Variants in KCNQ1 observed in about 807,000 individuals in gnomAD.
KCNQ1 encodes potassium voltage-gated channel subfamily KQT member 1.
Under a neutral mutation model 72.4 loss-of-function variants are expected in KCNQ1, and 49 were observed. The ratio of observed to expected loss-of-function variants is 0.68; its 90% CI spans 0.54 to 0.86. KCNQ1 has a LOEUF of 0.86. Ranked by LOEUF, KCNQ1 falls within the 40% of genes least tolerant of loss-of-function variation. The pLI is 0.00. For synonymous variants in KCNQ1, 450 were observed against 412.6 expected (o/e 1.09, Z -1.10); for missense variants, 790 against 945.1 (o/e 0.84, Z 2.15).
At chr11:2,666,842 C>T in intron 11 of KCNQ1, 1 of 398,684 alleles carries the variant, frequency 2.5e-6, no homozygotes, top group East Asian at 3.6e-5. Flanking sequence ...GAACCAGTGT[C>T]CAGAAGGATG....
intron 15 of KCNQ1, among the ~76,000 whole-genome samples, chr11:2,805,137 C>G (rs1847346852): frequency 6.6e-6 from 1 of 152,212 alleles, no homozygotes; most frequent in Admixed American, 6.5e-5. Flanking sequence ...CAGGCTGAGC[C>G]AGACGTGGAG....
At position 2,494,828 on chromosome 11, in the gene KCNQ1, T is replaced by G. The variant is rs1054158843; in HGVS notation, c.387-33100T>G. 6.6e-6 allele frequency among the ~76,000 whole-genome samples: 1 copy of G among 152,234 alleles called. No individual in the cohort carries two copies. The highest frequency in any genetic ancestry group is 2.4e-5 in the African/African-American group (1 of 41,462). ...TTTTTTGTGTGTCGCTGCCAAATTT[T>G]GGTATCAGGATGATGCTGGCCTCAT... On this transcript the variant is annotated intron_variant, in intron 1 of 15. Transcript: ENST00000155840. The surrounding 1 kb of genome is among the most constrained non-coding windows in gnomAD (Gnocchi z 4.6).
chr11:2,500,046 A>G (rs1178673279), intron 1 of KCNQ1, among the ~76,000 whole-genome samples: 2 of 152,254 alleles, frequency 1.3e-5, no homozygotes, highest in Admixed American at 6.5e-5. Context: ...TACACATAGT[A>G]ATTAAACAAT....
chr11:2,582,368 G>C (rs1310779698), intron 6 of KCNQ1, among the ~76,000 whole-genome samples: 1 of 152,228 alleles, frequency 6.6e-6, no homozygotes, highest in African/African-American at 2.4e-5. Flanking sequence ...GCCGGGGTTT[G>C]TTCTTGCCTT....
intron 11 of KCNQ1, among the ~76,000 whole-genome samples, chr11:2,736,613 C>G (rs1251678343): frequency 6.6e-6 from 1 of 152,168 alleles, no homozygotes; most frequent in African/African-American, 2.4e-5. Flanking sequence ...TAGGGCCGTC[C>G]CTCCCACCCC....
At chr11:2,798,133 A>G (rs189275258) in intron 15 of KCNQ1, among the ~76,000 whole-genome samples, 1 of 73,278 alleles carries the variant, frequency 1.4e-5, no homozygotes, top group Non-Finnish European at 2.9e-5. Flanking sequence ...CAGTGCCCCC[A>G]CTTGTGGCCC....
In KCNQ1 at chr11:2,617,899, G is replaced by C. The variant is rs1849094058; in HGVS notation, c.1393+29045G>C. On this transcript the variant is annotated intron_variant, in intron 10 of 15. Transcript: ENST00000155840. This position sits in a 1 kb window ranked among gnomAD's most constrained non-coding sequence, Gnocchi z 4.6. Reference sequence around the variant, plus strand: ...TTGGGTTATCTATTTTCTTGTTATTGAGTTGTATGCATTCCTTATAAATTT... The same window carrying C: ...TTGGGTTATCTATTTTCTTGTTATTCAGTTGTATGCATTCCTTATAAATTT... 1 of 398,344 alleles carries C rather than the reference G, an allele frequency of 2.5e-6. No homozygotes were observed. Among genetic ancestry groups the C allele is most frequent in the Non-Finnish European group, 4.4e-6 (1 of 226,024 alleles). The allele number at this position is 398,344 out of a possible 1,614,324, so 24.7% of individuals were successfully genotyped here.
intron 15 of KCNQ1, among the ~76,000 whole-genome samples, chr11:2,810,905 G>A (rs1214266575): frequency 6.6e-6 from 1 of 152,212 alleles, no homozygotes; most frequent in African/African-American, 2.4e-5. Flanking sequence ...ACGCTCTGCT[G>A]TGGCAGAGGG....
intron 15 of KCNQ1, among the ~76,000 whole-genome samples, chr11:2,788,264 G>C (rs1045677369): frequency 6.6e-6 from 1 of 151,760 alleles, no homozygotes; most frequent in African/African-American, 2.4e-5. Flanking sequence ...CATGACCCAC[G>C]CCTCCCCGAG....
At chr11:2,474,155 G>A (rs1373936802) in intron 1 of KCNQ1, among the ~76,000 whole-genome samples, 1 of 152,168 alleles carries the variant, frequency 6.6e-6, no homozygotes, top group Admixed American at 6.5e-5. Context: ...GGGCTGTGCT[G>A]GGGACACTGG....
At chr11:2,728,638 C>A (rs1845803790) in intron 11 of KCNQ1, among the ~76,000 whole-genome samples, 1 of 152,242 alleles carries the variant, frequency 6.6e-6, no homozygotes, top group African/African-American at 2.4e-5. Context: ...CTCCCAGAAG[C>A]TGGCCTACAG....
chr11:2,665,131 C>T (rs952905611), intron 11 of KCNQ1: 1 of 398,536 alleles, frequency 2.5e-6, no homozygotes, highest in Non-Finnish European at 4.4e-6. Flanking sequence ...TATAGGTGGG[C>T]CCTACTGCTC....
In KCNQ1 at chr11:2,486,319, C is replaced by T. The variant is rs140229398; in HGVS notation, c.386+40835C>T. Among the ~76,000 whole-genome samples the T allele has an allele frequency of 6.6e-6, 1 of 152,170 alleles. No homozygotes were observed. The highest frequency in any genetic ancestry group is 1.5e-5 in the Non-Finnish European group (1 of 68,034). ...TTCTTTGGAGAATATCTCCTCAGCT[C>T]TTTTGCCCACTTCATTAAATTGAGA... On this transcript the variant is annotated intron_variant, in intron 1 of 15. Transcript: ENST00000155840. This position sits in a 1 kb window ranked among gnomAD's most constrained non-coding sequence, Gnocchi z 5.0.
intron 10 of KCNQ1, chr11:2,625,236 A>G (rs1849244223): frequency 2.5e-6 from 1 of 398,498 alleles, no homozygotes; most frequent in Admixed American, 4.4e-5. Flanking sequence ...CCCTTCCAGC[A>G]GTGGTTATTT....
chr11:2,474,304 A>T (rs376511330), intron 1 of KCNQ1, among the ~76,000 whole-genome samples: 1 of 151,886 alleles, frequency 6.6e-6, no homozygotes, highest in Non-Finnish European at 1.5e-5. Context: ...ACCTCCTAGG[A>T]GGGAAGAGGG....
chr11:2,841,648 T>C (rs1047744196), intron 15 of KCNQ1, among the ~76,000 whole-genome samples: 1 of 152,188 alleles, frequency 6.6e-6, no homozygotes, highest in African/African-American at 2.4e-5. Flanking sequence ...CTGCAGGCCT[T>C]GGAGCCCCTG....
At position 2,712,504 on chromosome 11, in the gene KCNQ1, C is replaced by T. The variant is rs1851022344; in HGVS notation, c.1514+50423C>T. Among the ~76,000 whole-genome samples the T allele has an allele frequency of 1.3e-5, 2 of 151,788 alleles. No individual in the cohort carries two copies. Among genetic ancestry groups the T allele is most frequent in the South Asian group, 2.1e-4 (1 of 4,790 alleles). On this transcript the variant is annotated intron_variant, in intron 11 of 15. Coordinates refer to ENST00000155840, the MANE Select transcript of KCNQ1 (RefSeq NM_000218.3). The surrounding 1 kb of genome is among the most constrained non-coding windows in gnomAD (Gnocchi z 6.4). ...GTATTTAGGGATAGAGTGGAGATCT[C>T]GCCCACATATTCCCGAAGCCACCAG... is the stretch of plus-strand genomic sequence containing the variant.
intron 10 of KCNQ1, chr11:2,633,890 G>C: frequency 2.5e-6 from 1 of 398,606 alleles, no homozygotes; most frequent in Admixed American, 4.4e-5. Context: ...TGTATACATA[G>C]TTTTCACTTT....
chr11:2,687,604 C>T lies in KCNQ1; in HGVS notation c.1514+25523C>T, dbSNP rs1321286017. 12 of 398,612 alleles carry T rather than the reference C, an allele frequency of 3.0e-5. No individual in the cohort carries two copies. Among genetic ancestry groups the T allele is most frequent in the Non-Finnish European group, 4.9e-5 (11 of 226,158 alleles). The allele number at this position is 398,612 out of a possible 1,614,324, so 24.7% of individuals were successfully genotyped here. A position where few individuals can be genotyped will look rare whatever the true frequency, so the allele number is the denominator to read the frequency against. On this transcript the variant is annotated intron_variant, in intron 11 of 15. Coordinates refer to ENST00000155840, the MANE Select transcript of KCNQ1 (RefSeq NM_000218.3). The surrounding 1 kb of genome is among the most constrained non-coding windows in gnomAD (Gnocchi z 5.0). ...GAGGTGTGACTGAGAAAGGAAGGGG[C>T]AGAGATCCCTTCTCCATTCCTCTCA... is the stretch of plus-strand genomic sequence containing the variant.
Sources: allele counts gnomAD v4.1 joint callset (sites outside exome capture counted in the v4.1 genomes callset), GRCh38; gene constraint gnomAD v4.1.1; non-coding constraint Gnocchi (gnomAD v3.1); transcripts MANE v1.5; gene names NCBI Gene and HGNC (gene_info 2026-07-23, HGNC 2026-07-21).